Variants in TECPR2 observed in about 807,000 individuals in gnomAD.
TECPR2 encodes tectonin beta-propeller repeat containing 2.
Under a neutral mutation model 138.1 loss-of-function variants are expected in TECPR2, and 65 were observed. That is an observed-to-expected ratio of 0.47 (90% CI 0.39 to 0.58). The LOEUF (loss-of-function observed/expected upper bound fraction) is 0.58, where lower values mean the gene tolerates loss of function less well. TECPR2 is among the 20% of genes least tolerant of loss of function. The pLI is 0.00. For synonymous variants in TECPR2, 746 were observed against 749.8 expected, an observed-to-expected ratio of 0.99 and a Z score of 0.08; for missense variants, 1,553 against 1,824.5, an observed-to-expected ratio of 0.85 and a Z score of 2.71.
At chr14:102,478,440 G>A (rs897074520) in intron 17 of TECPR2, among the ~76,000 whole-genome samples, 4 of 152,032 alleles carry the variant, frequency 2.6e-5, no homozygotes, top group Non-Finnish European at 5.9e-5. Context: ...CAGCACTTTG[G>A]GAGGTCGAGG....
At position 102,419,140 on chromosome 14, in the gene TECPR2, G is replaced by T. The variant is rs1192975986; in HGVS notation, c.638+4347G>T. Among the ~76,000 whole-genome samples the T allele has an allele frequency of 6.6e-6, 1 of 152,096 alleles. No individual in the cohort carries two copies. Among genetic ancestry groups the T allele is most frequent in the African/African-American group, 2.4e-5 (1 of 41,412 alleles). On this transcript the variant is annotated intron_variant, in intron 5 of 19. Transcript: ENST00000359520. This position sits in a 1 kb window ranked among gnomAD's most constrained non-coding sequence, Gnocchi z 4.8. ...GTGTTCTGAAGAGGAAAGGGCATCA[G>T]GAGAGAACAGGAGTTGGGGGGTCAG...
At chr14:102,383,440 C>T (rs973879792) in intron 2 of TECPR2, among the ~76,000 whole-genome samples, 1 of 151,334 alleles carries the variant, frequency 6.6e-6, no homozygotes, top group Admixed American at 6.6e-5. Context: ...CAGAGTCTCA[C>T]TCTGTCTCCC....
At chr14:102,412,510 A>G (rs1888909510) in intron 4 of TECPR2, among the ~76,000 whole-genome samples, 1 of 152,188 alleles carries the variant, frequency 6.6e-6, no homozygotes, top group Non-Finnish European at 1.5e-5. Flanking sequence ...TCTAGCTATA[A>G]GGAATCATGT....
At chr14:102,437,368 G>A (rs767486463) in intron 9 of TECPR2, among the ~76,000 whole-genome samples, 36 of 152,280 alleles carry the variant, frequency 2.4e-4, no homozygotes, top group Non-Finnish European at 4.4e-4. Context: ...CCAACATGGC[G>A]AAACCCCGTC....
intron 1 of TECPR2, among the ~76,000 whole-genome samples, chr14:102,367,341 G>A (rs1202729254): frequency 1.3e-5 from 2 of 152,062 alleles, no homozygotes; most frequent in African/African-American, 2.4e-5. Context: ...CTATGCAACC[G>A]TCACTACGTC....
chr14:102,484,885 TGGCCTCA>T (rs753133402), intron 17 of TECPR2, among the ~76,000 whole-genome samples: 20 of 152,234 alleles, frequency 1.3e-4, no homozygotes, highest in Non-Finnish European at 2.6e-4. Context: ...CTCGAACTCC[TGGCCTCA>T]GGTGATCCGG....
rs533947598 is a variant in TECPR2 at position 102,490,137 on chromosome 14, G to T, written c.3790-6842G>T. Among the ~76,000 whole-genome samples the T allele has an allele frequency of 1.5e-4, 23 of 152,260 alleles. 1 individual carries two copies. Among genetic ancestry groups the T allele is most frequent in the African/African-American group, 4.1e-4 (17 of 41,534 alleles). On this transcript the variant is annotated intron_variant, in intron 17 of 19. Transcript: ENST00000359520. Reference sequence around the variant, plus strand: ...CAGCAGGTCTGTGTGTTAACCCCACGCGGCACCTTCCTTGGTCACTGTGAG... The same window carrying T: ...CAGCAGGTCTGTGTGTTAACCCCACTCGGCACCTTCCTTGGTCACTGTGAG...
chr14:102,438,356 A>G, intron 10 of TECPR2, 151 bp downstream of exon 10: 1 of 946,234 alleles, frequency 1.1e-6, no homozygotes, highest in Non-Finnish European at 1.5e-6. Flanking sequence ...CTCTTCAGGA[A>G]CGTTTGAGGG....
intron 17 of TECPR2, among the ~76,000 whole-genome samples, chr14:102,487,773 C>A (rs1891064491): frequency 6.6e-6 from 1 of 151,652 alleles, no homozygotes; most frequent in Non-Finnish European, 1.5e-5. Flanking sequence ...AATCTCCTGA[C>A]CTCGTGATCC....
intron 12 of TECPR2, among the ~76,000 whole-genome samples, chr14:102,445,573 C>T (rs1889952173): frequency 1.3e-5 from 2 of 152,088 alleles, no homozygotes; most frequent in South Asian, 4.1e-4. Flanking sequence ...TGTTCCCAGC[C>T]ATTCTGGGTC....
intron 2 of TECPR2, among the ~76,000 whole-genome samples, chr14:102,393,454 C>G (rs1408835192): frequency 6.6e-6 from 1 of 152,152 alleles, no homozygotes; most frequent in Non-Finnish European, 1.5e-5. Context: ...AACATTAACT[C>G]AAGCTCATTG....
intron 12 of TECPR2, among the ~76,000 whole-genome samples, chr14:102,444,997 T>A (rs1889932775): frequency 6.6e-6 from 1 of 152,184 alleles, no homozygotes; most frequent in Non-Finnish European, 1.5e-5. Flanking sequence ...AGAATGGTGC[T>A]AGGGGCTGGG....
intron 17 of TECPR2, among the ~76,000 whole-genome samples, chr14:102,470,211 C>T (rs1299143642): frequency 2.0e-5 from 3 of 152,144 alleles, no homozygotes; most frequent in Non-Finnish European, 4.4e-5. Context: ...TCATCCCATC[C>T]ATGAATTCAT....
intron 17 of TECPR2, among the ~76,000 whole-genome samples, chr14:102,495,148 A>G (rs1891246578): frequency 6.6e-6 from 1 of 151,966 alleles, no homozygotes; most frequent in Admixed American, 6.6e-5. Context: ...AGGGAGATGG[A>G]GGTTGCAGTG....
At chr14:102,487,441 C>T (rs1279184467) in intron 17 of TECPR2, among the ~76,000 whole-genome samples, 1 of 152,152 alleles carries the variant, frequency 6.6e-6, no homozygotes, top group Admixed American at 6.5e-5. Flanking sequence ...TGTGTGTGTG[C>T]GTGCGCACAC....
At chr14:102,395,865 A>G (rs957644558) in intron 2 of TECPR2, among the ~76,000 whole-genome samples, 1 of 152,196 alleles carries the variant, frequency 6.6e-6, no homozygotes, top group African/African-American at 2.4e-5. Flanking sequence ...TATTGATCTG[A>G]AAACCAAAAC....
At chr14:102,413,334 T>G (rs1888933353) in intron 4 of TECPR2, among the ~76,000 whole-genome samples, 1 of 150,558 alleles carries the variant, frequency 6.6e-6, no homozygotes, top group Admixed American at 6.6e-5. Context: ...ATATATTGGA[T>G]TTCATATATA....
chr14:102,483,231 T>A (rs1890933922), intron 17 of TECPR2, among the ~76,000 whole-genome samples: 1 of 152,158 alleles, frequency 6.6e-6, no homozygotes, highest in Non-Finnish European at 1.5e-5. Context: ...TTGTTCCTAG[T>A]GTTATAAGAA....
chr14:102,475,300 G>A (rs76189413), intron 17 of TECPR2, among the ~76,000 whole-genome samples: 1 of 152,214 alleles, frequency 6.6e-6, no homozygotes, highest in African/African-American at 2.4e-5. Context: ...CCTTGCCCAG[G>A]GTGCAGAAAG....
Sources: allele counts gnomAD v4.1 joint callset (sites outside exome capture counted in the v4.1 genomes callset), GRCh38; gene constraint gnomAD v4.1.1; non-coding constraint Gnocchi (gnomAD v3.1); transcripts MANE v1.5; gene names NCBI Gene and HGNC (gene_info 2026-07-23, HGNC 2026-07-21).